The following TMEM45A variants were observed in gnomAD, a reference collection of about 807,000 sequenced individuals.
TMEM45A encodes transmembrane protein 45A.
Under a neutral mutation model 32.0 loss-of-function variants are expected in TMEM45A, and 25 were observed. The observed-to-expected ratio is 0.78, with a 90% CI of 0.57 to 1.09. The LOEUF is 1.09. Among genes scored for constraint, TMEM45A ranks in the 50% least tolerant of loss-of-function variants. The probability of loss-of-function intolerance (pLI) is 0.00; values close to 1 mark genes in which losing one functional copy is unlikely to be tolerated. For missense variants in TMEM45A, 302 were observed against 325.0 expected (o/e 0.93, Z 0.54); for synonymous variants, 122 against 114.8 (o/e 1.06, Z -0.40).
At chr3:100,499,805 G>T (rs1707985563) in intron 1 of TMEM45A, among the ~76,000 whole-genome samples, 1 of 152,204 alleles carries the variant, frequency 6.6e-6, no homozygotes, top group Non-Finnish European at 1.5e-5. Flanking sequence ...GAGCCTGGGA[G>T]GTGGAGGCTA....
At chr3:100,549,209 T>G (rs1706040029) in intron 1 of TMEM45A, among the ~76,000 whole-genome samples, 1 of 151,216 alleles carries the variant, frequency 6.6e-6, no homozygotes, top group Admixed American at 6.6e-5. Context: ...ATTGCCCCAC[T>G]GCACTCCAGC....
At chr3:100,543,499 C>G (rs1000631565) in intron 1 of TMEM45A, among the ~76,000 whole-genome samples, 4 of 151,958 alleles carry the variant, frequency 2.6e-5, no homozygotes, top group Non-Finnish European at 1.5e-5. Flanking sequence ...TTCCTCATGC[C>G]CTCACCAACA....
At chr3:100,526,235 C>A (rs533268628) in intron 1 of TMEM45A, among the ~76,000 whole-genome samples, 3 of 152,306 alleles carry the variant, frequency 2.0e-5, no homozygotes, top group African/African-American at 7.2e-5. Flanking sequence ...CACTTTTCAC[C>A]TTTACCTTTT....
intron 5 of TMEM45A, chr3:100,571,354 T>G (rs1421193759): frequency 3.1e-5 from 4 of 131,104 alleles, no homozygotes; most frequent in African/African-American, 1.4e-4. Flanking sequence ...AGTCCTTGAT[T>G]CTTTTTTTTA....
intron 4 of TMEM45A, 52 bp downstream of exon 4, chr3:100,558,641 C>T: frequency 6.4e-7 from 1 of 1,574,410 alleles, no homozygotes; most frequent in Non-Finnish European, 8.7e-7. Flanking sequence ...TGTAACTTCT[C>T]TGTTTATTTG....
intron 1 of TMEM45A, among the ~76,000 whole-genome samples, chr3:100,529,008 C>T (rs571313953): frequency 2.0e-5 from 3 of 152,222 alleles, no homozygotes; most frequent in Non-Finnish European, 4.4e-5. Context: ...GCAAATGAAG[C>T]TCCTATTTGT....
At chr3:100,539,122 A>G (rs1446791888) in intron 1 of TMEM45A, among the ~76,000 whole-genome samples, 2 of 152,196 alleles carry the variant, frequency 1.3e-5, no homozygotes, top group Admixed American at 6.5e-5. Flanking sequence ...TGGACAGACA[A>G]AGGACCCAGA....
chr3:100,521,586 G>A (rs1166707003), intron 1 of TMEM45A, among the ~76,000 whole-genome samples: 1 of 152,154 alleles, frequency 6.6e-6, no homozygotes, highest in Non-Finnish European at 1.5e-5. Context: ...CTCAGAGGTG[G>A]CTTCTCCTTG....
At chr3:100,516,154 G>A (rs1300320023) in intron 1 of TMEM45A, among the ~76,000 whole-genome samples, 1 of 152,150 alleles carries the variant, frequency 6.6e-6, no homozygotes, top group Non-Finnish European at 1.5e-5. Flanking sequence ...GTTAAAAAGA[G>A]AGAGCATAGG....
chr3:100,537,826 C>G (rs1705772799), intron 1 of TMEM45A, among the ~76,000 whole-genome samples: 1 of 149,124 alleles, frequency 6.7e-6, no homozygotes, highest in East Asian at 1.9e-4. Flanking sequence ...CCTGCTGATT[C>G]AGGTGTGGTC....
chr3:100,498,160 G>T (rs1347223045), intron 1 of TMEM45A, among the ~76,000 whole-genome samples: 1 of 152,130 alleles, frequency 6.6e-6, no homozygotes, highest in East Asian at 1.9e-4. Flanking sequence ...TGTGAAGAAG[G>T]TCCTTGCTTA....
intron 1 of TMEM45A, among the ~76,000 whole-genome samples, chr3:100,515,617 T>G (rs1018860599): frequency 2.2e-5 from 3 of 139,116 alleles, no homozygotes; most frequent in African/African-American, 8.6e-5. Context: ...ACCCTAAAAC[T>G]TAAAGTATAA....
At position 100,509,157 on chromosome 3, in the gene TMEM45A, G is replaced by A. The variant is rs570722832; in HGVS notation, c.-4+16229G>A. On this transcript the variant is annotated intron_variant, in intron 1 of 5. Transcript: ENST00000323523. ...AGATATTTCCCAAAAGAAGACATAC[G>A]AATGACTAACAGGCATATGAAAAAC... Among the ~76,000 whole-genome samples, 10 of 152,124 alleles carry A rather than the reference G, an allele frequency of 6.6e-5. No homozygotes were observed. The South Asian group carries it at 8.3e-4, about 13-fold the overall frequency.
At chr3:100,493,482 G>A (rs1707880173) in intron 1 of TMEM45A, among the ~76,000 whole-genome samples, 1 of 151,702 alleles carries the variant, frequency 6.6e-6, no homozygotes, top group South Asian at 2.1e-4. Flanking sequence ...TATCTTTTCG[G>A]TATTCTCCTA....
chr3:100,577,110 G>C lies in TMEM45A; in HGVS notation c.*92G>C. 9.9e-7 allele frequency: 1 copy of C among 1,010,896 alleles called. No individual in the cohort carries two copies. The highest frequency in any genetic ancestry group is 1.5e-6 in the Non-Finnish European group (1 of 673,496). The allele number at this position is 1,010,896 out of a possible 1,614,324, so 62.6% of individuals were successfully genotyped here. On this transcript the variant is annotated 3_prime_UTR_variant, in exon 6 of 6. Coordinates refer to ENST00000323523, the MANE Select transcript of TMEM45A (RefSeq NM_018004.3). ...TCGATCTTTTGTTTGGAGAACAGCT[G>C]GCTAAGGATGACTCTAAGTGTACTG...
At chr3:100,508,347 AG>A (rs1708106168) in intron 1 of TMEM45A, among the ~76,000 whole-genome samples, 1 of 152,164 alleles carries the variant, frequency 6.6e-6, no homozygotes, top group Admixed American at 6.5e-5. Context: ...CTTGCCGTGG[AG>A]TCCAACAGCC....
chr3:100,515,318 G>A (rs1289642290), intron 1 of TMEM45A, among the ~76,000 whole-genome samples: 4 of 151,838 alleles, frequency 2.6e-5, no homozygotes, highest in African/African-American at 4.8e-5. Flanking sequence ...ATGAGTTCAC[G>A]TGCTTTGTAG....
intron 1 of TMEM45A, among the ~76,000 whole-genome samples, chr3:100,529,767 C>T (rs565355867): frequency 1.3e-5 from 2 of 152,068 alleles, no homozygotes; most frequent in African/African-American, 2.4e-5. Flanking sequence ...ACTACAGGCA[C>T]GTGCCATTAT....
At chr3:100,509,003 A>G (rs775678076) in intron 1 of TMEM45A, among the ~76,000 whole-genome samples, 3 of 152,236 alleles carry the variant, frequency 2.0e-5, no homozygotes, top group Non-Finnish European at 4.4e-5. Context: ...CTGTATAGCA[A>G]GGGAATAAAC....
Sources: gnomAD v4.1 joint callset for allele counts (sites outside exome capture counted in the v4.1 genomes callset) on GRCh38, gnomAD v4.1.1 for gene constraint, MANE v1.5 for transcripts, NCBI Gene and HGNC (gene_info 2026-07-23, HGNC 2026-07-21) for gene names.